Variants in KIN observed in about 807,000 individuals in gnomAD.
KIN encodes Kin17 DNA and RNA binding protein, also known as DNA/RNA-binding protein KIN17.
A neutral mutation model predicts 63.0 loss-of-function variants in KIN; 47 were observed. The observed-to-expected ratio is 0.75, with a 90% CI of 0.59 to 0.95. The LOEUF is 0.95. Ranked by LOEUF, KIN falls within the 40% of genes least tolerant of loss-of-function variation. The pLI, the probability that KIN is intolerant of heterozygous loss-of-function variation, is 0.00. For synonymous variants in KIN, 160 were observed against 157.7 expected (o/e 1.01, Z -0.11); for missense variants, 408 against 460.9 (o/e 0.89, Z 1.05).
chr10:7,756,869 C>A (rs1488889283), intron 12 of KIN, among the ~76,000 whole-genome samples: 1 of 151,994 alleles, frequency 6.6e-6, no homozygotes, highest in Non-Finnish European at 1.5e-5. Context: ...TCTTTCATAT[C>A]GAACAAAAAG....
At chr10:7,787,712 C>A in intron 1 of KIN, 108 bp downstream of exon 1, 1 of 841,412 alleles carries the variant, frequency 1.2e-6, no homozygotes, top group Non-Finnish European at 2.0e-6. Context: ...GCCTCACGAC[C>A]CGGACCCCGG....
intron 7 of KIN, among the ~76,000 whole-genome samples, chr10:7,771,323 C>A (rs1835661878): frequency 6.6e-6 from 1 of 152,138 alleles, no homozygotes; most frequent in South Asian, 2.1e-4. Flanking sequence ...GAGGGATCAC[C>A]ACTTCCTCGT....
chr10:7,769,118 A>G lies in KIN; in HGVS notation c.798+98T>C, dbSNP rs75007562. ...TAGGTCACTATTCCCTAGTCCGTACATGATAATTTTCCTAATTTTCTATTA... is the reference window on the plus strand; with the variant it reads ...TAGGTCACTATTCCCTAGTCCGTACGTGATAATTTTCCTAATTTTCTATTA... On this transcript the variant is annotated intron_variant, in intron 8 of 12. Transcript: ENST00000379562. 7.7e-6 allele frequency: 9 copies of G among 1,170,586 alleles called. No homozygotes were observed. In the Admixed American group the frequency reaches 8.9e-5, roughly 12 times the overall value. The allele number at this position is 1,170,586 out of a possible 1,614,324, so 72.5% of individuals were successfully genotyped here.
intron 7 of KIN, among the ~76,000 whole-genome samples, chr10:7,771,623 T>C (rs11598405): frequency 2.0e-5 from 3 of 152,258 alleles, no homozygotes; most frequent in African/African-American, 7.2e-5. Flanking sequence ...CCGGGCGCGG[T>C]GGCTCATGCC....
At chr10:7,768,568 C>A (rs772082440) in intron 8 of KIN, among the ~76,000 whole-genome samples, 11 of 151,656 alleles carry the variant, frequency 7.3e-5, no homozygotes, top group Non-Finnish European at 1.3e-4. Flanking sequence ...ACAGGTTTCT[C>A]GTGCTCGCTA....
chr10:7,756,243 C>T (rs760750954), intron 12 of KIN, 101 bp from the exon 13 acceptor site: 1 of 566,972 alleles, frequency 1.8e-6, no homozygotes, highest in Non-Finnish European at 3.1e-6. Flanking sequence ...TTTTCCGCAT[C>T]CCTAAAATAC....
chr10:7,778,988 G>A lies in KIN; in HGVS notation c.408C>T (p.Gly136=). Residue 136 remains glycine (G), a synonymous_variant, in exon 5 of 13, where the codon GGC becomes GGT. Transcript: ENST00000379562. ...GLCKVDETPK[G]WYIQYIDRDP... is the part of the protein sequence containing the mutation. ...CCCTGTCTATGTACTGAATATACCA[G>A]CCTTTTGGTGTCTCGTCCACTTTGC... is the stretch of plus-strand genomic sequence containing the variant. 5.6e-6 allele frequency: 9 copies of A among 1,613,388 alleles called. No individual in the cohort carries two copies. Among genetic ancestry groups the A allele is most frequent in the Non-Finnish European group, 7.6e-6 (9 of 1,179,824 alleles).
chr10:7,757,624 G>T (rs1204131961), intron 12 of KIN, among the ~76,000 whole-genome samples: 1 of 151,990 alleles, frequency 6.6e-6, no homozygotes, highest in East Asian at 1.9e-4. Flanking sequence ...CAATGATGAT[G>T]ACTCTAACCC....
chr10:7,774,946 C>T (rs1037937602), intron 6 of KIN, 55 bp from the exon 7 acceptor site: 22 of 1,294,362 alleles, frequency 1.7e-5, no homozygotes, highest in Non-Finnish European at 2.3e-5. Context: ...CATAATAAAA[C>T]TTCTCAGATA....
At chr10:7,778,782 A>G (rs1835833729) in intron 5 of KIN, 56 bp downstream of exon 5, 1 of 1,526,596 alleles carries the variant, frequency 6.6e-7, no homozygotes, top group South Asian at 1.2e-5. Flanking sequence ...AAACCAAGCC[A>G]TTGTGCTTCT....
intron 1 of KIN, among the ~76,000 whole-genome samples, chr10:7,786,072 A>G (rs1835997664): frequency 6.6e-6 from 1 of 152,198 alleles, no homozygotes; most frequent in South Asian, 2.1e-4. Flanking sequence ...CTGATGTGTC[A>G]ATGTAGTTTC....
rs979611921 is a variant in KIN at position 7,751,823 on chromosome 10, C to T, written c.*4257G>A. On this transcript the variant is annotated 3_prime_UTR_variant, in exon 13 of 13. Coordinates refer to ENST00000379562, the MANE Select transcript of KIN (RefSeq NM_012311.4). ...TTCTACCTGCAGATATTAAGTTTAG[C>T]TTTTAGTATTTTATGTGTGCACAGT... 1.8e-4 allele frequency: 4 copies of T among 22,320 alleles called. No homozygotes were observed. The highest frequency in any genetic ancestry group is 2.9e-4 in the African/African-American group (1 of 3,494). 1.4% of individuals were successfully genotyped at this position (22,320 alleles called of 1,614,324 possible).
At chr10:7,776,650 G>A (rs1339960297) in intron 5 of KIN, among the ~76,000 whole-genome samples, 1 of 149,962 alleles carries the variant, frequency 6.7e-6, no homozygotes, top group East Asian at 2.0e-4. Flanking sequence ...AGAATTGCTT[G>A]AACCTGGGAG....
At position 7,779,029 on chromosome 10, in the gene KIN, A is replaced by AC. The variant is rs149475812; in HGVS notation, c.377-11dup. Reference sequence around the variant, plus strand: ...TCCACTTTGCACAAGCCTTAAAAAAACAGCCACTGCCATAAATTAGCATAC... The same window carrying AC: ...TCCACTTTGCACAAGCCTTAAAAAAACCAGCCACTGCCATAAATTAGCATAC... On this transcript the variant is annotated splice_polypyrimidine_tract_variant and intron_variant, in intron 4 of 12. Coordinates refer to ENST00000379562, the MANE Select transcript of KIN (RefSeq NM_012311.4). 3.1e-6 allele frequency: 5 copies of AC among 1,601,202 alleles called. No individual in the cohort carries two copies. The highest frequency in any genetic ancestry group is 1.7e-6 in the Non-Finnish European group (2 of 1,175,636).
chr10:7,764,856 A>T (rs1202364594), intron 9 of KIN, among the ~76,000 whole-genome samples: 1 of 152,150 alleles, frequency 6.6e-6, no homozygotes. Flanking sequence ...TTCCTTTCTG[A>T]GTTTAAAAAC....
At chr10:7,764,779 T>C (rs887621530) in intron 9 of KIN, among the ~76,000 whole-genome samples, 10 of 152,218 alleles carry the variant, frequency 6.6e-5, no homozygotes, top group Non-Finnish European at 1.3e-4. Context: ...ACTCTAGTAA[T>C]TGGAAGATAA....
At position 7,756,152 on chromosome 10, in the gene KIN, A is replaced by T. The variant is rs774072342; in HGVS notation, c.1120-10T>A. 6.8e-7 allele frequency: 1 copy of T among 1,463,614 alleles called. No individual in the cohort carries two copies. The allele number at this position is 1,463,614 out of a possible 1,614,324, so 90.7% of individuals were successfully genotyped here. A position where few individuals can be genotyped will look rare whatever the true frequency, so the allele number is the denominator to read the frequency against. On this transcript the variant is annotated splice_polypyrimidine_tract_variant and intron_variant, in intron 12 of 12. Coordinates refer to ENST00000379562, the MANE Select transcript of KIN (RefSeq NM_012311.4). ...GTCCTTTTAAAGGGCCCTACAAATT[A>T]AAATAATTTAAAATAAGGTTAAAAA...
In KIN at chr10:7,763,728, C is replaced by T; in HGVS notation, c.913G>A (p.Val305Ile). 6.7e-7 allele frequency: 1 copy of T among 1,481,804 alleles called. No individual in the cohort carries two copies. The highest frequency in any genetic ancestry group is 9.3e-7 in the Non-Finnish European group (1 of 1,072,446). 91.8% of individuals were successfully genotyped at this position (1,481,804 alleles called of 1,614,324 possible). The stretch of plus-strand genomic sequence containing the variant: ...TCATAATTGCACGTCCTTACCTTAA[C>T]AATAGCCTTTTTCTTATGATATTTC... ...GEKYHKKKAI[V>I]KEVIDKYTAV... is the part of the protein sequence containing the mutation. The change falls in exon 10 of 13, where the codon GTT (valine) becomes ATT (isoleucine). Residue 305 changes from valine to isoleucine, a missense_variant. Around this residue, in one of 2 missense-constraint regions of KIN, gnomAD observed 298 missense variants for 296.0 expected, o/e 1.01. Coordinates refer to ENST00000379562, the MANE Select transcript of KIN (RefSeq NM_012311.4).
intron 5 of KIN, among the ~76,000 whole-genome samples, chr10:7,778,556 T>C (rs1835827482): frequency 1.3e-5 from 2 of 152,138 alleles, no homozygotes; most frequent in Admixed American, 6.5e-5. Context: ...CTGACCAACA[T>C]GGTGAAACCC....
Sources: allele counts gnomAD v4.1 joint callset (sites outside exome capture counted in the v4.1 genomes callset), GRCh38; gene constraint gnomAD v4.1.1; regional missense constraint gnomAD v4.1.1; transcripts MANE v1.5; gene names NCBI Gene and HGNC (gene_info 2026-07-23, HGNC 2026-07-21).